Variants in TMEM101 observed in about 807,000 individuals in gnomAD.
TMEM101 encodes the protein transmembrane protein 101.
A neutral mutation model predicts 26.0 loss-of-function variants in TMEM101; 14 were observed. That is an observed-to-expected ratio of 0.54 (90% CI 0.36 to 0.84). The LOEUF is 0.84. Ranked by LOEUF, TMEM101 falls within the 40% of genes least tolerant of loss-of-function variation. The probability of loss-of-function intolerance (pLI) is 0.01; values close to 1 mark genes in which losing one functional copy is unlikely to be tolerated. For synonymous variants in TMEM101, 152 were observed against 145.1 expected (o/e 1.05, Z -0.34); for missense variants, 292 against 345.1 (o/e 0.85, Z 1.22).
At position 44,012,210 on chromosome 17, in the gene TMEM101, C is replaced by G. The variant is rs1306202329; in HGVS notation, c.492G>C (p.Glu164Asp). ...GATGGTTCAGATACGCCAGCCGGTCCTCCTTGCTGTGCTGCAGTGAGTAGG... is the reference window on the plus strand; with the variant it reads ...GATGGTTCAGATACGCCAGCCGGTCGTCCTTGCTGTGCTGCAGTGAGTAGG... ...CVAYSLQHSKEDRLAYLNHLP... is the reference protein window; with the variant it reads ...CVAYSLQHSKDDRLAYLNHLP... The change falls in exon 4 of 4, where the codon GAG becomes GAC. Residue 164 changes from glutamate (E) to aspartate (D), a missense_variant. Physicochemically the swap from Glu to Asp is conservative, Grantham distance 45. This residue lies in a region of TMEM101 where 149 missense variants were observed against 211.9 expected (regional missense o/e 0.70). Coordinates refer to ENST00000206380, the MANE Select transcript of TMEM101 (RefSeq NM_032376.4). 6.2e-7 allele frequency: 1 copy of G among 1,613,726 alleles called. No homozygotes were observed. The highest frequency in any genetic ancestry group is 1.1e-5 in the South Asian group (1 of 91,046).
Position 44,011,485 on chromosome 17 carries a change from G to A in TMEM101, c.*443C>T, listed in dbSNP as rs12889. 0.93 allele frequency: 167,573 copies of A among 180,420 alleles called. 77,999 individuals are homozygous for A. Among genetic ancestry groups the A allele is most frequent in the East Asian group, 1 (6,153 of 6,156 alleles). 11.2% of individuals were successfully genotyped at this position (180,420 alleles called of 1,614,324 possible). ...GCCTGATCCACATGTGTCAACACACGCACTCCCTCTCACAGTCTCCAAACA... is the reference window on the plus strand; with the variant it reads ...GCCTGATCCACATGTGTCAACACACACACTCCCTCTCACAGTCTCCAAACA... On this transcript the variant is annotated 3_prime_UTR_variant, in exon 4 of 4. Transcript: ENST00000206380.
upstream of TMEM101, among the ~76,000 whole-genome samples, chr17:44,015,887 G>A (rs1164064913): frequency 6.6e-6 from 1 of 152,040 alleles, no homozygotes; most frequent in Non-Finnish European, 1.5e-5. Flanking sequence ...TGAACATCTG[G>A]GACATCTCAA....
upstream of TMEM101, among the ~76,000 whole-genome samples, chr17:44,015,375 CTT>C (rs1046171676): frequency 1.5e-5 from 1 of 68,256 alleles, no homozygotes; most frequent in Non-Finnish European, 4.3e-5. Context: ...GAGTTGTGAA[CTT>C]TTTTTTTCTT....
chr17:44,012,292 TAA>T, intron 3 of TMEM101, 56 bp from the exon 4 acceptor site: 1 of 1,529,046 alleles, frequency 6.5e-7, no homozygotes, highest in Non-Finnish European at 8.8e-7. Context: ...CTGTCTGGGG[TAA>T]ACCACCCCTG....
chr17:44,014,228 G>T, intron 2 of TMEM101, 129 bp downstream of exon 2: 1 of 1,129,284 alleles, frequency 8.9e-7, no homozygotes, highest in Non-Finnish European at 1.2e-6. Context: ...AAGCCAAGGG[G>T]TTCGAACCTC....
upstream of TMEM101, among the ~76,000 whole-genome samples, chr17:44,015,795 G>T (rs1414406309): frequency 2.0e-5 from 3 of 152,174 alleles, no homozygotes; most frequent in Non-Finnish European, 2.9e-5. Flanking sequence ...TTTCTGTTAA[G>T]ATCAAAGTAA....
chr17:44,020,887 G>T lies in TMEM101; in HGVS notation c.-210+435C>A, dbSNP rs190013445. ...GCAGTTGGCTTCTATTGCAGCAGTG[G>T]CTACCCAGTTGATGAACTCATTCTC... is the stretch of plus-strand genomic sequence containing the variant. On this transcript the variant is annotated intron_variant, in intron 2 of 4. Transcript: ENST00000585950. Among the ~76,000 whole-genome samples, 45 of 152,364 alleles carry T rather than the reference G, an allele frequency of 3.0e-4. 1 individual carries two copies. Among genetic ancestry groups the T allele is most frequent in the Admixed American group, 2.4e-3 (36 of 15,310 alleles).
upstream of TMEM101, chr17:44,015,171 C>T (rs972692161): frequency 1.5e-5 from 8 of 526,458 alleles, no homozygotes; most frequent in South Asian, 2.0e-4. Context: ...AATTTGAAAA[C>T]TAGACTAGAG....
In TMEM101 at chr17:44,012,021, G is replaced by C; in HGVS notation, c.681C>G (p.Asn227Lys). Residue 227 changes from asparagine (N) to lysine (K), a missense_variant, in exon 4 of 4, where the codon AAC becomes AAG. Asn to Lys is a moderately conservative substitution (Grantham distance 94, BLOSUM62 0). This residue lies in a region of TMEM101 where 149 missense variants were observed against 211.9 expected (regional missense o/e 0.70). Coordinates refer to ENST00000206380, the MANE Select transcript of TMEM101 (RefSeq NM_032376.4). Reference sequence around the variant, plus strand: ...GGTTCCAGAACTCAACACGCCGCGTGTTGTGCCAGTAAGCAACATTGCCAT... The same window carrying C: ...GGTTCCAGAACTCAACACGCCGCGTCTTGTGCCAGTAAGCAACATTGCCAT... ...LIDGNVAYWH[N>K]TRRVEFWNQM... 1 of 1,614,192 alleles carries C rather than the reference G, an allele frequency of 6.2e-7. No homozygotes were observed.
At chr17:44,021,580 G>A (rs2049286296) in intron 1 of TMEM101, 1 of 152,170 alleles carries the variant, frequency 6.6e-6, no homozygotes, top group Admixed American at 6.5e-5. Flanking sequence ...TTGCCACTGG[G>A]GCATCCTAGT....
upstream of TMEM101, chr17:44,015,186 G>A: frequency 1.0e-5 from 5 of 480,856 alleles, no homozygotes; most frequent in Non-Finnish European, 1.8e-5. Context: ...CTAGAGGAAG[G>A]AACAGTGGGT....
chr17:44,019,639 A>C (rs1466557559), upstream of TMEM101, among the ~76,000 whole-genome samples: 1 of 152,200 alleles, frequency 6.6e-6, no homozygotes, highest in Non-Finnish European at 1.5e-5. Flanking sequence ...CTGTTCCGGG[A>C]CTTGGTGACC....
rs1185750101 is a variant in TMEM101 at position 44,014,804 on chromosome 17, A to AG, written c.137+11dup. On this transcript the variant is annotated intron_variant, in intron 1 of 3. Coordinates refer to ENST00000206380, the MANE Select transcript of TMEM101 (RefSeq NM_032376.4). Reference sequence around the variant, plus strand: ...CCCCTGCCGCGTTTAGCGGCTGCGTAGGCCTGCTCACCGGCGTGCCTCAGC... The same window carrying AG: ...CCCCTGCCGCGTTTAGCGGCTGCGTAGGGCCTGCTCACCGGCGTGCCTCAGC... The AG allele has an allele frequency of 6.4e-7, 1 of 1,560,832 alleles. No individual in the cohort carries two copies. The highest frequency in any genetic ancestry group is 1.9e-5 in the Admixed American group (1 of 51,608).
Position 44,011,738 on chromosome 17 carries a change from C to T in TMEM101, c.*190G>A, listed in dbSNP as rs2049159604. On this transcript the variant is annotated 3_prime_UTR_variant, in exon 4 of 4. Transcript: ENST00000206380. ...CAGCATTAGTGCCAGGGCTCCTGCC[C>T]TCCCAAGCGCTGAGCCCAGAAATTT... 1.6e-6 allele frequency: 1 copy of T among 634,480 alleles called. No homozygotes were observed. Among genetic ancestry groups the T allele is most frequent in the Non-Finnish European group, 2.7e-6 (1 of 373,110 alleles). The allele number at this position is 634,480 out of a possible 1,614,324, so 39.3% of individuals were successfully genotyped here.
At chr17:44,015,629 G>A (rs375777514), upstream of TMEM101, among the ~76,000 whole-genome samples, 74 of 152,252 alleles carry the variant, frequency 4.9e-4, 2 homozygotes, top group East Asian at 0.013. Flanking sequence ...TCCTGACTTC[G>A]TGATCCGCCC....
At chr17:44,018,631 C>G (rs2049256412), upstream of TMEM101, among the ~76,000 whole-genome samples, 1 of 152,132 alleles carries the variant, frequency 6.6e-6, no homozygotes, top group African/African-American at 2.4e-5. Flanking sequence ...AGGACCAGAA[C>G]CAGGATTGTG....
chr17:44,022,720 C>G (rs2049296628), intron 1 of TMEM101, among the ~76,000 whole-genome samples: 1 of 152,164 alleles, frequency 6.6e-6, no homozygotes, highest in African/African-American at 2.4e-5. Flanking sequence ...CGGGGAAGAA[C>G]TGGGGGAGTT....
chr17:44,014,426 T>C lies in TMEM101; in HGVS notation c.249A>G (p.Ala83=). 1 of 1,556,626 alleles carries C rather than the reference T, an allele frequency of 6.4e-7. No individual in the cohort carries two copies. The highest frequency in any genetic ancestry group is 1.2e-5 in the South Asian group (1 of 84,556). ...VKRRWFALGA[A]LQLAISTYAA... is the part of the protein sequence containing the mutation. ...CGTAGGTGCTAATGGCCAATTGGAG[T>C]GCGGCCCCCAGCGCGAACCAGCGCC... Residue 83 remains alanine, a synonymous_variant, in exon 2 of 4, where the codon GCA becomes GCG. Coordinates refer to ENST00000206380, the MANE Select transcript of TMEM101 (RefSeq NM_032376.4).
upstream of TMEM101, chr17:44,019,447 T>G (rs902398328): frequency 4.8e-6 from 1 of 209,202 alleles, no homozygotes; most frequent in African/African-American, 2.4e-5. Context: ...TCTTTTGTAA[T>G]GAGTTGTTTG....
Sources: gnomAD v4.1 joint callset for allele counts (sites outside exome capture counted in the v4.1 genomes callset) on GRCh38, gnomAD v4.1.1 for gene constraint, gnomAD v4.1.1 regional missense constraint, MANE v1.5 for transcripts, NCBI Gene and HGNC (gene_info 2026-07-23, HGNC 2026-07-21) for gene names.